Variants in FOXN3 observed in about 807,000 individuals in gnomAD.
The protein encoded by FOXN3 is forkhead box N3, also known as forkhead box protein N3.
In FOXN3, 7 loss-of-function variants were observed where a neutral mutation model predicts 38.4. That is an observed-to-expected ratio of 0.18 (90% CI 0.10 to 0.34). The LOEUF (loss-of-function observed/expected upper bound fraction) is 0.34. FOXN3 is among the 10% of genes least tolerant of loss of function. The probability of loss-of-function intolerance (pLI) is 1.00; values close to 1 mark genes in which losing one functional copy is unlikely to be tolerated. For synonymous variants in FOXN3, 230 were observed against 242.2 expected, an observed-to-expected ratio of 0.95 and a Z score of 0.47; for missense variants, 456 against 613.4, an observed-to-expected ratio of 0.74 and a Z score of 2.71.
intron 2 of FOXN3, among the ~76,000 whole-genome samples, chr14:89,393,833 T>C (rs2140080357): frequency 6.6e-6 from 1 of 152,290 alleles, no homozygotes; most frequent in East Asian, 1.9e-4. Flanking sequence ...AGCCCAGAGG[T>C]ACAACTTGTC....
intron 1 of FOXN3, among the ~76,000 whole-genome samples, chr14:89,543,165 C>T (rs1894824298): frequency 6.6e-6 from 1 of 152,194 alleles, no homozygotes; most frequent in Non-Finnish European, 1.5e-5. Flanking sequence ...CTGGAAGGCA[C>T]AGCCAACAAG....
At chr14:89,321,873 A>G (rs1429199208) in intron 3 of FOXN3, among the ~76,000 whole-genome samples, 2 of 152,208 alleles carry the variant, frequency 1.3e-5, no homozygotes, top group East Asian at 3.9e-4. Flanking sequence ...GTATCTGAAG[A>G]GGCCCACGGC....
intron 1 of FOXN3, among the ~76,000 whole-genome samples, chr14:89,611,786 A>G (rs1197477797): frequency 1.4e-5 from 2 of 143,384 alleles, no homozygotes; most frequent in Non-Finnish European, 1.5e-5. Context: ...AGCCTGGGCG[A>G]CAGAGTGAGA....
rs559148193 is a variant in FOXN3, at chr14:89,175,897, G to A, written c.851+4804C>T. ...CAACCCAGGGTGTGGGACAGCCCAC[G>A]ATGCTGTGAATGTAAGAAACCTGGG... On this transcript the variant is annotated intron_variant, in intron 5 of 5. Transcript: ENST00000557258. 5.3e-5 allele frequency among the ~76,000 whole-genome samples: 8 copies of A among 152,266 alleles called. No individual in the cohort carries two copies. In the East Asian group the frequency reaches 7.7e-4, roughly 15 times the overall value.
At chr14:89,204,792 C>CTCCATCCATCCAGCCATCCA in intron 4 of FOXN3, among the ~76,000 whole-genome samples, 1 of 150,764 alleles carries the variant, frequency 6.6e-6, no homozygotes, top group East Asian at 2.0e-4. Context: ...GAGACATAGG[C>CTCCATCCATCCAGCCATCCA]TCCATCCATC....
At chr14:89,549,383 G>C (rs1037264378) in intron 1 of FOXN3, among the ~76,000 whole-genome samples, 3 of 152,010 alleles carry the variant, frequency 2.0e-5, no homozygotes, top group Non-Finnish European at 4.4e-5. Context: ...GCCTGTCCAT[G>C]GTCTATTTGA....
intron 4 of FOXN3, among the ~76,000 whole-genome samples, chr14:89,272,810 G>A (rs969493998): frequency 2.6e-5 from 4 of 151,964 alleles, no homozygotes; most frequent in South Asian, 2.1e-4. Context: ...CCAAGATCAC[G>A]TCACTACACT....
intron 1 of FOXN3, among the ~76,000 whole-genome samples, chr14:89,572,337 A>G (rs774653172): frequency 1.3e-5 from 2 of 152,238 alleles, no homozygotes; most frequent in African/African-American, 2.4e-5. Flanking sequence ...ATATGTGGAA[A>G]TTTGTATTCT....
chr14:89,533,504 A>T (rs947282967), intron 1 of FOXN3, among the ~76,000 whole-genome samples: 6 of 152,082 alleles, frequency 3.9e-5, no homozygotes, highest in Non-Finnish European at 7.4e-5. Flanking sequence ...TCTACTAAAA[A>T]TACAGAAAAT....
Position 89,359,623 on chromosome 14 carries a change from T to G in FOXN3, c.544-8815A>C, listed in dbSNP as rs574337592. On this transcript the variant is annotated intron_variant, in intron 2 of 5. Coordinates refer to ENST00000557258, the MANE Select transcript of FOXN3 (RefSeq NM_005197.4). ...TAGTGCCAAGAAGGACATGGGACTTTGAGAAAGCTACTTGCTTTGAGTCAT... is the reference window on the plus strand; with the variant it reads ...TAGTGCCAAGAAGGACATGGGACTTGGAGAAAGCTACTTGCTTTGAGTCAT... 1.6e-4 allele frequency among the ~76,000 whole-genome samples: 24 copies of G among 152,278 alleles called. 1 individual carries two copies. In the East Asian group the frequency reaches 4.2e-3, roughly 27 times the overall value.
At chr14:89,252,424 G>A (rs752185156) in intron 4 of FOXN3, among the ~76,000 whole-genome samples, 9 of 152,164 alleles carry the variant, frequency 5.9e-5, no homozygotes, top group Non-Finnish European at 1.2e-4. Context: ...GGAGGCCGAG[G>A]AGGGCGGATT....
At chr14:89,334,086 C>T (rs1028396923) in intron 3 of FOXN3, among the ~76,000 whole-genome samples, 2 of 150,698 alleles carry the variant, frequency 1.3e-5, no homozygotes, top group African/African-American at 2.4e-5. Flanking sequence ...GAAGGAAATC[C>T]TGCCATTTTT....
In FOXN3 at chr14:89,516,688, A is replaced by C. The variant is rs149919095; in HGVS notation, c.-15+102340T>G. Reference sequence around the variant, plus strand: ...GCTATCCTCTCACCTCAGCCTCCCGAGTAGCTGAGACTATAGGCATGCACC... The same window carrying C: ...GCTATCCTCTCACCTCAGCCTCCCGCGTAGCTGAGACTATAGGCATGCACC... On this transcript the variant is annotated intron_variant, in intron 1 of 6. Coordinates refer to the FOXN3 transcript ENST00000345097. Among the ~76,000 whole-genome samples, 1,137 of 151,160 alleles carry C rather than the reference A, an allele frequency of 7.5e-3. 13 individuals carry two copies. Among genetic ancestry groups the C allele is most frequent in the African/African-American group, 0.026 (1,070 of 41,250 alleles).
At chr14:89,524,908 T>C (rs1043076818) in intron 1 of FOXN3, among the ~76,000 whole-genome samples, 1 of 152,190 alleles carries the variant, frequency 6.6e-6, no homozygotes, top group African/African-American at 2.4e-5. Flanking sequence ...GCCCTCACCA[T>C]ACTGACGCTT....
At chr14:89,477,990 A>G (rs1292037193) in intron 1 of FOXN3, among the ~76,000 whole-genome samples, 1 of 152,102 alleles carries the variant, frequency 6.6e-6, no homozygotes, top group African/African-American at 2.4e-5. Context: ...TAGTTTGGAT[A>G]TTTGTCCCCA....
At chr14:89,419,551 A>G, upstream of FOXN3, 1 of 194,444 alleles carries the variant, frequency 5.1e-6, no homozygotes, top group South Asian at 8.5e-5. Context: ...CCTAGAAATC[A>G]CTTTGAGAAA....
chr14:89,160,609 C>G lies in FOXN3; in HGVS notation c.*1805G>C, dbSNP rs961178869. The G allele has an allele frequency of 6.6e-6, 1 of 152,580 alleles. No individual in the cohort carries two copies. Among genetic ancestry groups the G allele is most frequent in the African/African-American group, 2.4e-5 (1 of 41,418 alleles). The allele number at this position is 152,580 out of a possible 1,614,324, so 9.5% of individuals were successfully genotyped here. ...TAAGCGTCCCATAATTCTCTTGATT[C>G]TATCATACACACTCACTACTAAGTT... On this transcript the variant is annotated 3_prime_UTR_variant, in exon 6 of 6. Transcript: ENST00000557258.
intron 1 of FOXN3, among the ~76,000 whole-genome samples, chr14:89,457,667 G>A (rs1892753984): frequency 6.6e-6 from 1 of 152,190 alleles, no homozygotes; most frequent in South Asian, 2.1e-4. Context: ...AAGGCTATCT[G>A]TCCCCTGTTC....
At chr14:89,429,463 C>T (rs1892112347) in intron 1 of FOXN3, among the ~76,000 whole-genome samples, 1 of 152,136 alleles carries the variant, frequency 6.6e-6, no homozygotes, top group Non-Finnish European at 1.5e-5. Flanking sequence ...GGAATCATAC[C>T]CAGGAGTTGC....
Sources: gnomAD v4.1 joint callset for allele counts (sites outside exome capture counted in the v4.1 genomes callset) on GRCh38, gnomAD v4.1.1 for gene constraint, MANE v1.5 for transcripts, NCBI Gene and HGNC (gene_info 2026-07-23, HGNC 2026-07-21) for gene names.